Variants in CUBN observed in about 807,000 individuals in gnomAD.
CUBN encodes 460 kDa receptor.
Under a neutral mutation model 405.3 loss-of-function variants are expected in CUBN, and 282 were observed. That is an observed-to-expected ratio of 0.70 (90% CI 0.63 to 0.77). CUBN has a LOEUF of 0.77. Among genes scored for constraint, CUBN ranks in the 30% least tolerant of loss-of-function variants. The pLI, the probability that CUBN is intolerant of heterozygous loss-of-function variation, is 0.00. For missense variants in CUBN, 4,514 were observed against 4,475.2 expected, an observed-to-expected ratio of 1.01 and a Z score of -0.25; for synonymous variants, 1,684 against 1,617.0, an observed-to-expected ratio of 1.04 and a Z score of -0.99.
chr10:17,059,509 T>C (rs895109747), intron 22 of CUBN, among the ~76,000 whole-genome samples: 1 of 152,144 alleles, frequency 6.6e-6, no homozygotes, highest in Non-Finnish European at 1.5e-5. Flanking sequence ...CTTTAGGCTA[T>C]GCTTTCTGAA....
chr10:16,878,200 A>C (rs555396945), intron 56 of CUBN, among the ~76,000 whole-genome samples: 1 of 152,302 alleles, frequency 6.6e-6, no homozygotes, highest in Admixed American at 6.5e-5. Context: ...AGGCAAGAGA[A>C]TCGCTTGAAC....
At position 16,835,069 on chromosome 10, in the gene CUBN, A is replaced by G. The variant is rs763365999; in HGVS notation, c.10307T>C (p.Phe3436Ser). ...TAPQNHTISL[F>S]FHSLGIENSV... ...GTTCTCGATGCCAAGTGAATGAAAA[A>G]AGAGGGAAATGGTGTGGTTCTGGGG... The change falls in exon 64 of 67, where the codon TTT becomes TCT. Residue 3436 changes from phenylalanine to serine, a missense_variant. Physicochemically the swap from Phe to Ser is radical, Grantham distance 155. Around this residue, in one of 5 missense-constraint regions of CUBN, gnomAD observed 1,186 missense variants for 1,186.9 expected, o/e 1.00. Transcript: ENST00000377833. The G allele has an allele frequency of 6.2e-7, 1 of 1,614,184 alleles. No individual in the cohort carries two copies. Among genetic ancestry groups the G allele is most frequent in the South Asian group, 1.1e-5 (1 of 91,080 alleles).
At chr10:16,855,543 C>T (rs1389336281) in intron 59 of CUBN, among the ~76,000 whole-genome samples, 7 of 152,090 alleles carry the variant, frequency 4.6e-5, no homozygotes, top group Non-Finnish European at 1.0e-4. Context: ...ACTTTACAGC[C>T]AACTACAGCC....
chr10:16,894,131 A>C (rs371496278), intron 54 of CUBN, among the ~76,000 whole-genome samples: 20 of 152,320 alleles, frequency 1.3e-4, no homozygotes, highest in Middle Eastern at 3.4e-3. Flanking sequence ...ATAGTAGTAC[A>C]TTGCCTATGT....
chr10:16,895,368 C>T (rs553182568), intron 54 of CUBN, among the ~76,000 whole-genome samples: 80 of 141,772 alleles, frequency 5.6e-4, no homozygotes, highest in Non-Finnish European at 7.7e-4. Flanking sequence ...CATATATATA[C>T]ACACACACAC....
intron 34 of CUBN, among the ~76,000 whole-genome samples, chr10:16,949,455 G>GTGTC (rs778284960): frequency 2.8e-5 from 2 of 72,312 alleles, no homozygotes; most frequent in Non-Finnish European, 8.1e-5. Flanking sequence ...GTGTGTGTGT[G>GTGTC]TGTGTGTGTA....
chr10:17,093,749 G>A (rs1248041446), intron 14 of CUBN, among the ~76,000 whole-genome samples: 1 of 151,774 alleles, frequency 6.6e-6, no homozygotes, highest in Non-Finnish European at 1.5e-5. Flanking sequence ...TCCAGATACT[G>A]AGGCTACCAA....
chr10:16,992,581 TA>T (rs141295708), intron 28 of CUBN, among the ~76,000 whole-genome samples: 11,502 of 149,804 alleles, frequency 0.077, 581 homozygotes, highest in African/African-American at 0.14. Flanking sequence ...GTTAAGGAGT[TA>T]AAAAAAAAAT....
At chr10:16,943,943 T>A (rs7898766) in intron 36 of CUBN, among the ~76,000 whole-genome samples, 9,865 of 152,250 alleles carry the variant, frequency 0.065, 522 homozygotes, top group East Asian at 0.2. Flanking sequence ...AAAAGCTTTA[T>A]TATGCTTGGA....
intron 59 of CUBN, 112 bp from the exon 60 acceptor site, chr10:16,851,555 C>A: frequency 1.0e-6 from 1 of 971,146 alleles, no homozygotes; most frequent in Non-Finnish European, 1.6e-6. Context: ...ACTCTGAGAA[C>A]ATGATCAGAT....
intron 31 of CUBN, among the ~76,000 whole-genome samples, chr10:16,978,775 C>A (rs1833173765): frequency 6.6e-6 from 1 of 151,946 alleles, no homozygotes; most frequent in South Asian, 2.1e-4. Flanking sequence ...AATCAGGTAG[C>A]CCGGAACAAG....
chr10:16,952,282 G>A lies in CUBN; in HGVS notation c.4963C>T (p.Pro1655Ser). ...QNCSWIIQAQ[P>S]PLNHITLSFT... ...TTTCATTTTTGTTACTTACATGGAG[G>A]TTGCGCTTGAATGATCCAGCTGCAG... is the stretch of plus-strand genomic sequence containing the variant. The change falls in exon 33 of 67, where the codon CCT becomes TCT. Residue 1655 changes from proline to serine, a missense_variant. Around this residue, in one of 5 missense-constraint regions of CUBN, gnomAD observed 1,613 missense variants for 1,542.8 expected, o/e 1.05. Coordinates refer to ENST00000377833, the MANE Select transcript of CUBN (RefSeq NM_001081.4). 2 of 1,610,600 alleles carry A rather than the reference G, an allele frequency of 1.2e-6. No homozygotes were observed.
chr10:17,126,902 C>G lies in CUBN; in HGVS notation c.349-103G>C, dbSNP rs1361046240. On this transcript the variant is annotated intron_variant, in intron 3 of 66. Coordinates refer to ENST00000377833, the MANE Select transcript of CUBN (RefSeq NM_001081.4). ...GTCCTAATGCCCTCTGCTAGGGACACACTTTGTTCATTCCTCCTTTTATTC... is the reference window on the plus strand; with the variant it reads ...GTCCTAATGCCCTCTGCTAGGGACAGACTTTGTTCATTCCTCCTTTTATTC... The G allele has an allele frequency of 1.4e-5, 16 of 1,160,610 alleles. No homozygotes were observed. The East Asian group carries it at 3.9e-4, about 28-fold the overall frequency. 71.9% of individuals were successfully genotyped at this position (1,160,610 alleles called of 1,614,324 possible). A position where few individuals can be genotyped will look rare whatever the true frequency, so the allele number is the denominator to read the frequency against.
chr10:16,831,410 T>C lies in CUBN; in HGVS notation c.10370A>G (p.Asn3457Ser), dbSNP rs1236634546. ...ECRNDFLEVRNGSNSNSPLLG... is the reference protein window; with the variant it reads ...ECRNDFLEVRSGSNSNSPLLG... The stretch of plus-strand genomic sequence containing the variant: ...TAATGGTGAATTGCTGTTACTTCCA[T>C]TTCTCACCTTTAGGAAGGAGTCATT... Residue 3457 changes from asparagine (N) to serine (S), a missense_variant, in exon 65 of 67, where the codon AAT becomes AGT. Around this residue, in one of 5 missense-constraint regions of CUBN, gnomAD observed 1,186 missense variants for 1,186.9 expected, o/e 1.00. Coordinates refer to ENST00000377833, the MANE Select transcript of CUBN (RefSeq NM_001081.4). 6.2e-7 allele frequency: 1 copy of C among 1,613,582 alleles called. No homozygotes were observed. Among genetic ancestry groups the C allele is most frequent in the Non-Finnish European group, 8.5e-7 (1 of 1,179,582 alleles).
intron 24 of CUBN, among the ~76,000 whole-genome samples, chr10:17,045,579 G>A (rs954960909): frequency 1.3e-4 from 19 of 151,766 alleles, no homozygotes; most frequent in Non-Finnish European, 1.2e-4. Flanking sequence ...ATGTTTAGTA[G>A]AGACTATGTT....
chr10:16,992,911 G>A (rs140197222), intron 28 of CUBN, among the ~76,000 whole-genome samples: 8 of 152,222 alleles, frequency 5.3e-5, no homozygotes, highest in South Asian at 4.1e-4. Flanking sequence ...ATATTTGTCC[G>A]ACTACAACAA....
At chr10:16,877,770 C>T (rs1347613729) in intron 56 of CUBN, among the ~76,000 whole-genome samples, 1 of 151,914 alleles carries the variant, frequency 6.6e-6, no homozygotes, top group Non-Finnish European at 1.5e-5. Context: ...GCCTACCATC[C>T]CCCAAAGAAA....
Position 16,990,411 on chromosome 10 carries a change from G to C in CUBN, c.4273C>G (p.Pro1425Ala). ...ATGGTGAGCTGAATGCTACTCCCGG[G>C]GTCCGTCCTAATGTACCAGATACAC... ...KECIWYIRTD[P>A]GSSIQLTIHD... Residue 1425 changes from proline (P) to alanine (A), a missense_variant, in exon 29 of 67, where the codon CCC becomes GCC. This residue lies in a region of CUBN where 1,613 missense variants were observed against 1,542.8 expected (regional missense o/e 1.05). Transcript: ENST00000377833. The C allele has an allele frequency of 6.2e-7, 1 of 1,614,076 alleles. No homozygotes were observed. The highest frequency in any genetic ancestry group is 8.5e-7 in the Non-Finnish European group (1 of 1,180,004).
intron 54 of CUBN, among the ~76,000 whole-genome samples, chr10:16,895,989 A>G (rs1415489914): frequency 6.6e-6 from 1 of 151,942 alleles, no homozygotes; most frequent in African/African-American, 2.4e-5. Flanking sequence ...TTTGATTGAT[A>G]TTAGCGTTTT....
Sources: gnomAD v4.1 joint callset for allele counts (sites outside exome capture counted in the v4.1 genomes callset) on GRCh38, gnomAD v4.1.1 for gene constraint, gnomAD v4.1.1 regional missense constraint, MANE v1.5 for transcripts, NCBI Gene and HGNC (gene_info 2026-07-23, HGNC 2026-07-21) for gene names.